CHMP7: variants seen among roughly 807,000 people sequenced by gnomAD.
The protein encoded by CHMP7 is CHMP family, member 7.
A neutral mutation model predicts 53.7 loss-of-function variants in CHMP7; 15 were observed. The ratio of observed to expected loss-of-function variants is 0.28; its 90% CI spans 0.19 to 0.43. CHMP7 has a LOEUF of 0.43. Among genes scored for constraint, CHMP7 ranks in the 20% least tolerant of loss-of-function variants. CHMP7 has a pLI of 1.00. For missense variants in CHMP7, 527 were observed against 569.4 expected, an observed-to-expected ratio of 0.93 and a Z score of 0.76; for synonymous variants, 261 against 228.0, an observed-to-expected ratio of 1.14 and a Z score of -1.30.
intron 9 of CHMP7, 103 bp downstream of exon 9, chr8:23,259,229 C>T (rs542853677): frequency 2.3e-4 from 129 of 564,574 alleles, no homozygotes; most frequent in African/African-American, 1.8e-3. Context: ...AGTGCAGTGG[C>T]GGGATCTCGG....
At chr8:23,248,310 C>G (rs1801791788) in intron 2 of CHMP7, 4 of 398,978 alleles carry the variant, frequency 1.0e-5, no homozygotes, top group Non-Finnish European at 2.1e-5. Flanking sequence ...AGTCTCTTCT[C>G]CTGACTGCTG....
chr8:23,251,952 A>G (rs932194061), intron 3 of CHMP7, among the ~76,000 whole-genome samples: 3 of 152,092 alleles, frequency 2.0e-5, no homozygotes, highest in Non-Finnish European at 2.9e-5. Flanking sequence ...TTGCCAAACT[A>G]CTTTTCAAAA....
At chr8:23,247,437 A>C (rs1015132541) in intron 2 of CHMP7, among the ~76,000 whole-genome samples, 1 of 152,208 alleles carries the variant, frequency 6.6e-6, no homozygotes, top group Admixed American at 6.5e-5. Context: ...CATCTTGCCA[A>C]CAACCCCTGG....
At position 23,246,567 on chromosome 8, in the gene CHMP7, C is replaced by A; in HGVS notation, c.-129C>A. 1.3e-6 allele frequency: 1 copy of A among 752,306 alleles called. No homozygotes were observed. The highest frequency in any genetic ancestry group is 2.1e-6 in the Non-Finnish European group (1 of 472,818). 46.6% of individuals were successfully genotyped at this position (752,306 alleles called of 1,614,324 possible). A position where few individuals can be genotyped will look rare whatever the true frequency, so the allele number is the denominator to read the frequency against. On this transcript the variant is annotated 5_prime_UTR_variant, in exon 2 of 11. An upstream open reading frame in the 5' UTR gains an earlier in-frame stop. Coordinates refer to ENST00000397677, the MANE Select transcript of CHMP7 (RefSeq NM_152272.5). ...CCTTGAAGACTTATGGAACTTATTT[C>A]ACGCTCAGGGCGGCGGTGACGTGTG...
chr8:23,246,732 G>A lies in CHMP7; in HGVS notation c.37G>A (p.Gly13Arg), dbSNP rs1477163149. ...GGAGCGGGAGGCCGAGGCCCCAGCC[G>A]GGGGAGACCCGGCGGGCCTTCTGCC... ...SPEREAEAPAGGDPAGLLPPE... is the reference protein window; with the variant it reads ...SPEREAEAPARGDPAGLLPPE... The change falls in exon 2 of 11, where the codon GGG becomes AGG. Residue 13 changes from glycine (G) to arginine (R), a missense_variant. Coordinates refer to ENST00000397677, the MANE Select transcript of CHMP7 (RefSeq NM_152272.5). 9 of 1,550,816 alleles carry A rather than the reference G, an allele frequency of 5.8e-6. No homozygotes were observed. The highest frequency in any genetic ancestry group is 7.8e-6 in the Non-Finnish European group (9 of 1,147,546).
Position 23,246,339 on chromosome 8 carries a change from G to A in CHMP7, c.-357G>A, listed in dbSNP as rs1442540317. 4 of 261,860 alleles carry A rather than the reference G, an allele frequency of 1.5e-5. No homozygotes were observed. Among genetic ancestry groups the A allele is most frequent in the East Asian group, 1.8e-4 (2 of 11,166 alleles). The allele number at this position is 261,860 out of a possible 1,614,324, so 16.2% of individuals were successfully genotyped here. A position where few individuals can be genotyped will look rare whatever the true frequency, so the allele number is the denominator to read the frequency against. ...CCCAGTTCCATTTTCTGAAGCCACA[G>A]GTCAGAAGCCGCTGTACAACGCTTT... On this transcript the variant is annotated 5_prime_UTR_variant, in exon 2 of 11. Coordinates refer to ENST00000397677, the MANE Select transcript of CHMP7 (RefSeq NM_152272.5).
At chr8:23,255,472 A>T in intron 4 of CHMP7, 40 bp downstream of exon 4, 1 of 1,592,522 alleles carries the variant, frequency 6.3e-7, no homozygotes, top group African/African-American at 1.3e-5. Context: ...CTCAGCAGTG[A>T]TTGATTAAGT....
intron 1 of CHMP7, 39 bp downstream of exon 1, chr8:23,243,883 C>T (rs2128855714): frequency 6.6e-6 from 1 of 152,332 alleles, no homozygotes; most frequent in Middle Eastern, 3.4e-3. Flanking sequence ...ATTTGCTGTT[C>T]CCCAATGACA....
intron 3 of CHMP7, among the ~76,000 whole-genome samples, chr8:23,250,998 C>G (rs1027889356): frequency 6.6e-6 from 1 of 152,204 alleles, no homozygotes; most frequent in Non-Finnish European, 1.5e-5. Context: ...CAGTTATTCC[C>G]CTGCCCAGTG....
At chr8:23,244,425 T>C (rs1161117478) in intron 1 of CHMP7, among the ~76,000 whole-genome samples, 1 of 152,236 alleles carries the variant, frequency 6.6e-6, no homozygotes, top group Admixed American at 6.5e-5. Flanking sequence ...TGTATTGCCT[T>C]TCTTTTTTCG....
intron 3 of CHMP7, among the ~76,000 whole-genome samples, chr8:23,249,917 C>G (rs1022854727): frequency 4.6e-5 from 7 of 152,192 alleles, no homozygotes; most frequent in Non-Finnish European, 1.0e-4. Flanking sequence ...TTCCCACAGC[C>G]TTGATCGCAT....
At chr8:23,260,364 CT>C in intron 10 of CHMP7, 41 bp downstream of exon 10, 1 of 1,605,776 alleles carries the variant, frequency 6.2e-7, no homozygotes, top group Non-Finnish European at 8.5e-7. Flanking sequence ...GGCATATGGC[CT>C]TCTGGCTGAC....
chr8:23,258,211 C>A, intron 6 of CHMP7, 119 bp from the exon 7 acceptor site: 1 of 1,497,338 alleles, frequency 6.7e-7, no homozygotes, highest in South Asian at 1.2e-5. Flanking sequence ...GGCACCACAG[C>A]TTATTTTACA....
Position 23,256,240 on chromosome 8 carries a change from A to G in CHMP7, c.658-220A>G, listed in dbSNP as rs372749337. Among the ~76,000 whole-genome samples, 6 of 152,324 alleles carry G rather than the reference A, an allele frequency of 3.9e-5. No homozygotes were observed. In the East Asian group the frequency reaches 5.8e-4, roughly 15 times the overall value. On this transcript the variant is annotated intron_variant, in intron 4 of 10. Coordinates refer to ENST00000397677, the MANE Select transcript of CHMP7 (RefSeq NM_152272.5). ...TCTACAGTAAGAATGAATCTTCTAT[A>G]GGAAAAATTGTGAAGAAGGAAAAAT...
intron 5 of CHMP7, 97 bp downstream of exon 5, chr8:23,256,690 GTTTTTT>G: frequency 1.7e-6 from 1 of 588,640 alleles, no homozygotes; most frequent in Non-Finnish European, 2.7e-6. Flanking sequence ...AAATAGGTGG[GTTTTTT>G]TTTTTTTTAG....
chr8:23,260,535 C>T lies in CHMP7; in HGVS notation c.1301-3C>T, dbSNP rs1358340852. On this transcript the variant is annotated splice_polypyrimidine_tract_variant and splice_region_variant and intron_variant, in intron 10 of 10. Transcript: ENST00000397677. Reference sequence around the variant, plus strand: ...AGTGTTCAGTCATTTCTTTGCCTTGCAGGTTTGGTCCCAAGCAGTAAATCT... The same window carrying T: ...AGTGTTCAGTCATTTCTTTGCCTTGTAGGTTTGGTCCCAAGCAGTAAATCT... 1.2e-6 allele frequency: 2 copies of T among 1,612,924 alleles called. No homozygotes were observed. Among genetic ancestry groups the T allele is most frequent in the African/African-American group, 1.3e-5 (1 of 74,892 alleles).
intron 2 of CHMP7, among the ~76,000 whole-genome samples, chr8:23,247,451 A>G (rs1801748353): frequency 6.6e-6 from 1 of 152,236 alleles, no homozygotes; most frequent in African/African-American, 2.4e-5. Context: ...CCCCTGGCAC[A>G]GCTCATTCGT....
Position 23,258,276 on chromosome 8 carries a change from T to G in CHMP7, c.841-54T>G. 6 of 1,611,226 alleles carry G rather than the reference T, an allele frequency of 3.7e-6. No homozygotes were observed. The South Asian group carries it at 5.5e-5, about 15-fold the overall frequency. On this transcript the variant is annotated intron_variant, in intron 6 of 10. Coordinates refer to ENST00000397677, the MANE Select transcript of CHMP7 (RefSeq NM_152272.5). ...TAGCGTCTGGGAAGGGCTGTCTTCC[T>G]CTTGCCCTTTGGCTCGCCCAGTTCA...
At chr8:23,257,185 C>T (rs531335825) in intron 5 of CHMP7, among the ~76,000 whole-genome samples, 37 of 149,222 alleles carry the variant, frequency 2.5e-4, no homozygotes, top group African/African-American at 9.1e-4. Context: ...TGCAGTCTAA[C>T]TCCTGAGCTC....
Sources: allele counts gnomAD v4.1 joint callset (sites outside exome capture counted in the v4.1 genomes callset), GRCh38; gene constraint gnomAD v4.1.1; transcripts MANE v1.5; gene names NCBI Gene and HGNC (gene_info 2026-07-23, HGNC 2026-07-21).